EPHB1: variants seen among roughly 807,000 people sequenced by gnomAD.
The protein encoded by EPHB1 is EPH receptor B1.
Under a neutral mutation model 94.4 loss-of-function variants are expected in EPHB1, and 30 were observed. That is an observed-to-expected ratio of 0.32 (90% CI 0.24 to 0.43). The LOEUF is 0.43. EPHB1 is among the 20% of genes least tolerant of loss of function. EPHB1 has a pLI of 1.00. For missense variants in EPHB1, 1,055 were observed against 1,308.3 expected, an observed-to-expected ratio of 0.81 and a Z score of 2.99; for synonymous variants, 522 against 489.1, an observed-to-expected ratio of 1.07 and a Z score of -0.89.
chr3:135,060,288 T>C (rs1937460976), intron 3 of EPHB1, among the ~76,000 whole-genome samples: 1 of 152,232 alleles, frequency 6.6e-6, no homozygotes, highest in Non-Finnish European at 1.5e-5. Flanking sequence ...TATGTAATCT[T>C]TTGTGACTGG....
intron 11 of EPHB1, 127 bp from the exon 12 acceptor site, chr3:135,201,347 G>A: frequency 4.7e-6 from 4 of 851,444 alleles, no homozygotes; most frequent in South Asian, 3.0e-5. Context: ...GGGAAGAGAG[G>A]AGGACACAGT....
intron 3 of EPHB1, among the ~76,000 whole-genome samples, chr3:134,967,685 A>C (rs573902197): frequency 8.0e-4 from 122 of 152,330 alleles, no homozygotes; most frequent in African/African-American, 2.9e-3. Context: ...CCCAGCCTTC[A>C]GAACTGTAAG....
chr3:134,922,274 C>A (rs970528290), intron 1 of EPHB1, among the ~76,000 whole-genome samples: 1 of 152,212 alleles, frequency 6.6e-6, no homozygotes, highest in South Asian at 2.1e-4. Flanking sequence ...AGATGTAAAC[C>A]TGCTCAAATC....
intron 3 of EPHB1, among the ~76,000 whole-genome samples, chr3:135,071,890 C>T (rs1937729305): frequency 6.6e-6 from 1 of 152,204 alleles, no homozygotes; most frequent in Non-Finnish European, 1.5e-5. Flanking sequence ...AATATCACCA[C>T]CACAGATCCA....
intron 3 of EPHB1, among the ~76,000 whole-genome samples, chr3:135,105,196 ATT>A (rs1939165789): frequency 6.6e-6 from 1 of 152,262 alleles, no homozygotes; most frequent in African/African-American, 2.4e-5. Flanking sequence ...AGTAGAAACC[ATT>A]ATAATGGCAC....
chr3:135,217,464 A>G (rs868805312), intron 12 of EPHB1, among the ~76,000 whole-genome samples: 5,247 of 142,142 alleles, frequency 0.037, 113 homozygotes, highest in South Asian at 0.056. Flanking sequence ...ACACACACAC[A>G]CACGCACACG....
At chr3:134,978,197 C>G (rs1934262749) in intron 3 of EPHB1, 1 of 312,560 alleles carries the variant, frequency 3.2e-6, no homozygotes. Context: ...TGTGGAAGAG[C>G]TCAACCTTCC....
intron 3 of EPHB1, among the ~76,000 whole-genome samples, chr3:135,032,201 A>C (rs953166961): frequency 3.4e-5 from 5 of 147,474 alleles, no homozygotes; most frequent in Non-Finnish European, 4.5e-5. Flanking sequence ...TCTTTCTCAA[A>C]CTTTTGTTAG....
At chr3:135,213,214 A>C (rs1384848001) in intron 12 of EPHB1, among the ~76,000 whole-genome samples, 2 of 152,162 alleles carry the variant, frequency 1.3e-5, no homozygotes, top group Non-Finnish European at 2.9e-5. Context: ...TTCCTTCCCA[A>C]GAAGCTCCTG....
At chr3:135,159,261 G>A (rs950138468) in intron 6 of EPHB1, among the ~76,000 whole-genome samples, 1 of 152,198 alleles carries the variant, frequency 6.6e-6, no homozygotes, top group Non-Finnish European at 1.5e-5. Flanking sequence ...ATTTTGTGGG[G>A]AACAAGAACT....
At chr3:134,829,547 A>G (rs565113500) in intron 1 of EPHB1, among the ~76,000 whole-genome samples, 234 of 152,240 alleles carry the variant, frequency 1.5e-3, no homozygotes, top group African/African-American at 5.3e-3. Flanking sequence ...TATCTTTGCA[A>G]AAAACTTTTA....
chr3:135,120,639 A>G (rs939897217), intron 4 of EPHB1, among the ~76,000 whole-genome samples: 1 of 152,144 alleles, frequency 6.6e-6, no homozygotes, highest in Non-Finnish European at 1.5e-5. Flanking sequence ...ACCTTTTTCA[A>G]TTTCTTTTTT....
chr3:134,858,462 A>G (rs1578143442), intron 1 of EPHB1, among the ~76,000 whole-genome samples: 1 of 152,150 alleles, frequency 6.6e-6, no homozygotes, highest in African/African-American at 2.4e-5. Context: ...ATGGGGTCTC[A>G]TTGATGGCTG....
At chr3:135,012,398 G>A (rs1039587221) in intron 3 of EPHB1, among the ~76,000 whole-genome samples, 6 of 152,200 alleles carry the variant, frequency 3.9e-5, no homozygotes, top group Non-Finnish European at 5.9e-5. Flanking sequence ...TGAAGCGGCC[G>A]CTCACTCATG....
In EPHB1 at chr3:134,930,008, G is replaced by T. The variant is rs375926297; in HGVS notation, c.123+4128G>T. 7.9e-5 allele frequency among the ~76,000 whole-genome samples: 12 copies of T among 152,210 alleles called. No individual in the cohort carries two copies. The East Asian group carries it at 1.2e-3, about 15-fold the overall frequency. Reference sequence around the variant, plus strand: ...TGCATGGATGTTTAAGGCAGAGATTGTTCTGGAGGCCTCAAAGGAACTGGG... The same window carrying T: ...TGCATGGATGTTTAAGGCAGAGATTTTTCTGGAGGCCTCAAAGGAACTGGG... On this transcript the variant is annotated intron_variant, in intron 2 of 15. Transcript: ENST00000398015.
At chr3:134,873,667 G>T (rs1401662877) in intron 1 of EPHB1, among the ~76,000 whole-genome samples, 2 of 152,190 alleles carry the variant, frequency 1.3e-5, no homozygotes, top group South Asian at 4.1e-4. Context: ...GAGAAGCAGG[G>T]TTTGCACGGT....
At chr3:134,880,980 C>A (rs1204429765) in intron 1 of EPHB1, among the ~76,000 whole-genome samples, 4 of 152,164 alleles carry the variant, frequency 2.6e-5, no homozygotes, top group Non-Finnish European at 4.4e-5. Context: ...AAAATTGTTT[C>A]TCACTGGAGC....
intron 11 of EPHB1, among the ~76,000 whole-genome samples, chr3:135,198,818 C>T (rs574063297): frequency 6.2e-4 from 95 of 152,096 alleles, no homozygotes; most frequent in Non-Finnish European, 1.1e-3. Flanking sequence ...CTATGAAGAA[C>T]GGACACTATG....
chr3:134,990,859 T>C (rs1934771972), intron 3 of EPHB1, among the ~76,000 whole-genome samples: 1 of 152,242 alleles, frequency 6.6e-6, no homozygotes. Context: ...TATTGTTACT[T>C]TGATCCACAA....
Sources: allele counts gnomAD v4.1 joint callset (sites outside exome capture counted in the v4.1 genomes callset), GRCh38; gene constraint gnomAD v4.1.1; transcripts MANE v1.5; gene names NCBI Gene and HGNC (gene_info 2026-07-23, HGNC 2026-07-21).